Variants in CUL2 observed in about 807,000 individuals in gnomAD.
The protein encoded by CUL2 is cullin 2.
Under a neutral mutation model 110.2 loss-of-function variants are expected in CUL2, and 22 were observed. The ratio of observed to expected loss-of-function variants is 0.20; its 90% CI spans 0.14 to 0.28. CUL2 has a LOEUF of 0.28. Ranked by LOEUF, CUL2 falls within the 10% of genes least tolerant of loss-of-function variation. The probability of loss-of-function intolerance (pLI) is 1.00; values close to 1 mark genes in which losing one functional copy is unlikely to be tolerated. For missense variants in CUL2, 631 were observed against 905.5 expected (o/e 0.70, Z 3.89); for synonymous variants, 279 against 293.2 (o/e 0.95, Z 0.49).
chr10:35,030,807 C>T lies in CUL2; in HGVS notation c.1386+493G>A, dbSNP rs373999428. ...GCTCAGGAGGCTGAGGCGGGAGGATCGCTTGAGCCCAGGAGTTAGAGTCCA... is the reference window on the plus strand; with the variant it reads ...GCTCAGGAGGCTGAGGCGGGAGGATTGCTTGAGCCCAGGAGTTAGAGTCCA... On this transcript the variant is annotated intron_variant, in intron 14 of 20. Transcript: ENST00000374749. Among the ~76,000 whole-genome samples, 154 of 138,454 alleles carry T rather than the reference C, an allele frequency of 1.1e-3. 1 individual carries two copies. The highest frequency in any genetic ancestry group is 0.01 in the East Asian group (48 of 4,688). 90.8% of individuals were successfully genotyped at this position (138,454 alleles called of 152,430 possible).
At chr10:35,064,795 G>A (rs926446439) in intron 2 of CUL2, among the ~76,000 whole-genome samples, 15 of 151,846 alleles carry the variant, frequency 9.9e-5, no homozygotes, top group African/African-American at 2.2e-4. Flanking sequence ...CTTCTGCCTC[G>A]GCCTCCCAAA....
intron 1 of CUL2, among the ~76,000 whole-genome samples, chr10:35,074,762 T>G (rs2086770270): frequency 6.6e-6 from 1 of 152,168 alleles, no homozygotes; most frequent in Non-Finnish European, 1.5e-5. Flanking sequence ...GCTGGGATTA[T>G]AGGTGTGAGC....
intron 20 of CUL2, among the ~76,000 whole-genome samples, chr10:35,011,152 T>C (rs2084890955): frequency 6.6e-6 from 1 of 151,920 alleles, no homozygotes; most frequent in African/African-American, 2.4e-5. Context: ...CGCCTCAGCC[T>C]CCCAAGTAGT....
intron 11 of CUL2, 109 bp from the exon 12 acceptor site, chr10:35,032,603 C>T (rs2085506334): frequency 4.2e-6 from 3 of 718,030 alleles, no homozygotes; most frequent in Non-Finnish European, 6.8e-6. Flanking sequence ...CCACATAAAA[C>T]ACAGCATTGC....
chr10:35,094,498 G>C (rs970603817), upstream of CUL2, among the ~76,000 whole-genome samples: 2 of 152,218 alleles, frequency 1.3e-5, no homozygotes, highest in Admixed American at 6.6e-5. Context: ...GCCTCCCAAA[G>C]TGCTGGGATT....
intron 1 of CUL2, among the ~76,000 whole-genome samples, chr10:35,108,299 T>C (rs927889561): frequency 2.3e-4 from 34 of 150,234 alleles, no homozygotes; most frequent in African/African-American, 8.1e-4. Flanking sequence ...TTCAAAAAAA[T>C]AGAAAAAATT....
chr10:35,034,502 T>A (rs1350945876), intron 10 of CUL2, among the ~76,000 whole-genome samples: 1 of 152,204 alleles, frequency 6.6e-6, no homozygotes, highest in South Asian at 2.1e-4. Flanking sequence ...ACACAGATAC[T>A]ATCTTATAGA....
At chr10:35,060,758 A>G (rs914279872) in intron 4 of CUL2, 116 bp downstream of exon 4, 2 of 786,478 alleles carry the variant, frequency 2.5e-6, no homozygotes, top group Non-Finnish European at 4.1e-6. Flanking sequence ...CATGTCAGAG[A>G]GAATGCTTTA....
chr10:35,049,001 G>C (rs1406284992), intron 6 of CUL2, among the ~76,000 whole-genome samples: 3 of 152,152 alleles, frequency 2.0e-5, no homozygotes, highest in Non-Finnish European at 4.4e-5. Flanking sequence ...CACTGGTCTA[G>C]ATAATTCCTA....
intron 1 of CUL2, among the ~76,000 whole-genome samples, chr10:35,101,544 A>T (rs948445423): frequency 6.6e-6 from 1 of 152,234 alleles, no homozygotes; most frequent in Non-Finnish European, 1.5e-5. Flanking sequence ...CAATAGATTC[A>T]TGCCTACTAA....
chr10:35,124,962 G>T (rs927381557), intron 1 of CUL2, among the ~76,000 whole-genome samples: 4 of 152,208 alleles, frequency 2.6e-5, no homozygotes, highest in Non-Finnish European at 5.9e-5. Flanking sequence ...TATCACCTAG[G>T]TGAGGAGCCC....
chr10:35,070,827 C>T (rs1021170826), intron 2 of CUL2, among the ~76,000 whole-genome samples: 46 of 152,174 alleles, frequency 3.0e-4, no homozygotes, highest in Admixed American at 3.0e-3. Context: ...CTCCAAGCCT[C>T]CCCCACGTCC....
chr10:35,030,822 G>GGATCGC (rs11283661), intron 14 of CUL2, among the ~76,000 whole-genome samples: 54,140 of 151,726 alleles, frequency 0.36, 11,737 homozygotes, highest in Middle Eastern at 0.49. Flanking sequence ...GAGCCCAGGA[G>GGATCGC]TTAGAGTCCA....
intron 1 of CUL2, among the ~76,000 whole-genome samples, chr10:35,107,065 C>T (rs969980615): frequency 6.6e-6 from 1 of 152,060 alleles, no homozygotes; most frequent in African/African-American, 2.4e-5. Flanking sequence ...AGCTCCACCT[C>T]CCGGGTTCAC....
Position 35,010,387 on chromosome 10 carries a change from C to T in CUL2, c.2162G>A (p.Cys721Tyr). 1.2e-6 allele frequency: 2 copies of T among 1,613,238 alleles called. No individual in the cohort carries two copies. The highest frequency in any genetic ancestry group is 1.7e-6 in the Non-Finnish European group (2 of 1,179,598). ...TTGTTTGTCTATCAGAACTTCAATA[C>T]ACTTCTTAATCATGCTGATACTGGG... ...FNPSISMIKK[C>Y]IEVLIDKQYI... is the part of the protein sequence containing the mutation. The change falls in exon 21 of 21, where the codon TGT becomes TAT. Residue 721 changes from cysteine (C) to tyrosine (Y), a missense_variant. Transcript: ENST00000374749.
chr10:35,080,388 A>G (rs1388949883), intron 1 of CUL2, among the ~76,000 whole-genome samples: 5 of 152,112 alleles, frequency 3.3e-5, no homozygotes, highest in Non-Finnish European at 5.9e-5. Flanking sequence ...TAAGTACTCC[A>G]TAAACAACAT....
intron 1 of CUL2, among the ~76,000 whole-genome samples, chr10:35,106,046 A>C (rs999545182): frequency 6.6e-6 from 1 of 152,176 alleles, no homozygotes; most frequent in Non-Finnish European, 1.5e-5. Context: ...GCGTTCCCCC[A>C]AAATTCGTAT....
chr10:35,061,721 A>C (rs747274039), intron 3 of CUL2, among the ~76,000 whole-genome samples: 1 of 151,876 alleles, frequency 6.6e-6, no homozygotes, highest in Non-Finnish European at 1.5e-5. Context: ...GCATTTTCCA[A>C]TATTTTCAGG....
chr10:35,020,883 C>A (rs2085162650), intron 17 of CUL2, among the ~76,000 whole-genome samples: 1 of 151,810 alleles, frequency 6.6e-6, no homozygotes, highest in Non-Finnish European at 1.5e-5. Context: ...TCTTAAAATT[C>A]TTCCTCTGTT....
Sources: allele counts gnomAD v4.1 joint callset (sites outside exome capture counted in the v4.1 genomes callset), GRCh38; gene constraint gnomAD v4.1.1; transcripts MANE v1.5; gene names NCBI Gene and HGNC (gene_info 2026-07-23, HGNC 2026-07-21).